Variants in ASB3 observed in about 807,000 individuals in gnomAD.
ASB3 encodes ankyrin repeat and SOCS box protein 3.
A neutral mutation model predicts 54.5 loss-of-function variants in ASB3; 41 were observed. The observed-to-expected ratio is 0.75, with a 90% CI of 0.59 to 0.98. The LOEUF is 0.98. Among genes scored for constraint, ASB3 ranks in the 50% least tolerant of loss-of-function variants. ASB3 has a pLI of 0.00. For synonymous variants in ASB3, 266 were observed against 221.2 expected, an observed-to-expected ratio of 1.20 and a Z score of -1.80; for missense variants, 733 against 620.0, an observed-to-expected ratio of 1.18 and a Z score of -1.94.
At position 53,786,861 on chromosome 2, in the gene ASB3, G is replaced by A. The variant is rs1291866732; in HGVS notation, c.-54C>T. 3.2e-5 allele frequency: 8 copies of A among 252,608 alleles called. No individual in the cohort carries two copies. The highest frequency in any genetic ancestry group is 6.1e-5 in the Non-Finnish European group (8 of 131,896). 15.6% of individuals were successfully genotyped at this position (252,608 alleles called of 1,614,324 possible). A position where few individuals can be genotyped will look rare whatever the true frequency, so the allele number is the denominator to read the frequency against. On this transcript the variant is annotated 5_prime_UTR_variant, in exon 1 of 10. Coordinates refer to ENST00000263634, the MANE Select transcript of ASB3 (RefSeq NM_016115.5). ...TTCTACACCGAAATGGCTGGTCCGAGGCCGCGTCTCCAGAGCTGCGTCCCA... is the reference window on the plus strand; with the variant it reads ...TTCTACACCGAAATGGCTGGTCCGAAGCCGCGTCTCCAGAGCTGCGTCCCA...
chr2:53,759,873 C>G (rs540255294), intron 2 of ASB3, among the ~76,000 whole-genome samples: 2 of 152,262 alleles, frequency 1.3e-5, no homozygotes, highest in African/African-American at 4.8e-5. Flanking sequence ...GGGGCAAGCA[C>G]CAGCCCACGC....
At chr2:53,703,390 G>T (rs1030826087) in intron 7 of ASB3, among the ~76,000 whole-genome samples, 6 of 152,118 alleles carry the variant, frequency 3.9e-5, no homozygotes, top group South Asian at 4.1e-4. Flanking sequence ...TTCTCACAAA[G>T]AATACCTACC....
At chr2:53,700,139 C>A in intron 8 of ASB3, 132 bp downstream of exon 8, 1 of 1,406,820 alleles carries the variant, frequency 7.1e-7, no homozygotes, top group Non-Finnish European at 9.6e-7. Flanking sequence ...CCACCAACTC[C>A]TTCACCCCAA....
intron 2 of ASB3, among the ~76,000 whole-genome samples, chr2:53,756,526 G>A (rs1672835713): frequency 6.6e-6 from 1 of 152,184 alleles, no homozygotes; most frequent in African/African-American, 2.4e-5. Context: ...CCATGAAGAT[G>A]TTTCAGGAAG....
chr2:53,758,856 C>T (rs540289792), intron 2 of ASB3, among the ~76,000 whole-genome samples: 44 of 152,274 alleles, frequency 2.9e-4, no homozygotes, highest in Non-Finnish European at 4.6e-4. Context: ...AAGGCAAAAA[C>T]GCCCCTAAGA....
intron 9 of ASB3, among the ~76,000 whole-genome samples, chr2:53,682,522 G>A (rs765463119): frequency 6.6e-6 from 1 of 152,038 alleles, no homozygotes; most frequent in African/African-American, 2.4e-5. Context: ...TGTCACCCAG[G>A]CTGGAGTGCA....
At chr2:53,770,426 C>T (rs1247097114) in intron 1 of ASB3, among the ~76,000 whole-genome samples, 1 of 149,396 alleles carries the variant, frequency 6.7e-6, no homozygotes, top group African/African-American at 2.5e-5. Flanking sequence ...GCTTATGACT[C>T]AGCATTCCCA....
At chr2:53,772,816 C>T (rs1223025687) in intron 1 of ASB3, among the ~76,000 whole-genome samples, 1 of 152,074 alleles carries the variant, frequency 6.6e-6, no homozygotes, top group Admixed American at 6.5e-5. Flanking sequence ...CAGGTATTAA[C>T]ATTAAGCCTA....
intron 3 of ASB3, among the ~76,000 whole-genome samples, chr2:53,738,333 T>C (rs1488858857): frequency 6.6e-6 from 1 of 152,244 alleles, no homozygotes; most frequent in Non-Finnish European, 1.5e-5. Context: ...GGACTACTGT[T>C]CAGTTAAGGA....
intron 1 of ASB3, chr2:53,786,322 C>G (rs1207945016): frequency 3.3e-5 from 5 of 152,168 alleles, no homozygotes; most frequent in African/African-American, 1.2e-4. Context: ...ACACTTCAAT[C>G]TAGAGATGGA....
chr2:53,716,795 T>C (rs1670420336), intron 5 of ASB3, 52 bp from the exon 6 acceptor site: 1 of 1,513,986 alleles, frequency 6.6e-7, no homozygotes, highest in Non-Finnish European at 8.9e-7. Context: ...CTTAAAAAAA[T>C]CAACACAAAT....
chr2:53,675,906 G>A (rs1558509848), intron 9 of ASB3, among the ~76,000 whole-genome samples: 1 of 152,098 alleles, frequency 6.6e-6, no homozygotes, highest in Non-Finnish European at 1.5e-5. Context: ...TGCATTGCAG[G>A]GCATGGAGGG....
intron 3 of ASB3, among the ~76,000 whole-genome samples, chr2:53,738,205 T>C (rs76437412): frequency 0.014 from 2,141 of 152,306 alleles, 45 homozygotes; most frequent in African/African-American, 0.047. Flanking sequence ...TACCATCCTA[T>C]TGATAAGCAA....
At chr2:53,749,736 T>C (rs1672416095) in intron 3 of ASB3, among the ~76,000 whole-genome samples, 1 of 152,070 alleles carries the variant, frequency 6.6e-6, no homozygotes, top group Non-Finnish European at 1.5e-5. Context: ...TTAATTCATA[T>C]ATATGAACAG....
chr2:53,670,647 C>G lies in ASB3; in HGVS notation c.1413G>C (p.Arg471=). 6.2e-7 allele frequency: 1 copy of G among 1,613,762 alleles called. No individual in the cohort carries two copies. Among genetic ancestry groups the G allele is most frequent in the South Asian group, 1.1e-5 (1 of 91,048 alleles). ...GTAGACGTTCTGATTTTAGACTGGA[C>G]CGAATTTCCAAACGACAAAGATGGG... ...SLTHLCRLEI[R]SSLKSERLRS... Residue 471 remains arginine (R), a synonymous_variant, in exon 10 of 10, where the codon CGG becomes CGC. Coordinates refer to ENST00000263634, the MANE Select transcript of ASB3 (RefSeq NM_016115.5).
chr2:53,779,789 C>T (rs1329967048), intron 1 of ASB3, among the ~76,000 whole-genome samples: 1 of 152,164 alleles, frequency 6.6e-6, no homozygotes, highest in Non-Finnish European at 1.5e-5. Flanking sequence ...AAAGGTCTGC[C>T]GCTTACTCTG....
At position 53,716,741 on chromosome 2, in the gene ASB3, C is replaced by T. The variant is rs1670415092; in HGVS notation, c.607G>A (p.Ala203Thr). 1 of 1,610,674 alleles carries T rather than the reference C, an allele frequency of 6.2e-7. No individual in the cohort carries two copies. The highest frequency in any genetic ancestry group is 8.5e-7 in the Non-Finnish European group (1 of 1,177,890). ...TCCAAGGCTTGACAATTGACATTTG[C>T]ACCTAAGGGTACAAAATAAAACATT... is the stretch of plus-strand genomic sequence containing the variant. ...ESLSILISSGANVNCQALDKA... is the reference protein window; with the variant it reads ...ESLSILISSGTNVNCQALDKA... The change falls in exon 6 of 10, where the codon GCA becomes ACA. Residue 203 changes from alanine to threonine, a missense_variant and splice_region_variant. Coordinates refer to ENST00000263634, the MANE Select transcript of ASB3 (RefSeq NM_016115.5).
chr2:53,760,560 A>G (rs767141620), intron 2 of ASB3, among the ~76,000 whole-genome samples: 4 of 152,346 alleles, frequency 2.6e-5, no homozygotes, highest in East Asian at 3.9e-4. Context: ...GAACCTCAAG[A>G]GTACATAGCT....
intron 3 of ASB3, among the ~76,000 whole-genome samples, chr2:53,731,412 AC>A (rs1271191610): frequency 6.6e-6 from 1 of 152,062 alleles, no homozygotes; most frequent in Non-Finnish European, 1.5e-5. Context: ...ATCTCAAAAA[AC>A]AAAACAAAAC....
Sources: allele counts gnomAD v4.1 joint callset (sites outside exome capture counted in the v4.1 genomes callset), GRCh38; gene constraint gnomAD v4.1.1; transcripts MANE v1.5; gene names NCBI Gene and HGNC (gene_info 2026-07-23, HGNC 2026-07-21).